The following RASAL2 variants were observed in gnomAD, a reference collection of about 807,000 sequenced individuals.
RASAL2 encodes ras GTPase-activating protein nGAP.
In RASAL2, 58 loss-of-function variants were observed where a neutral mutation model predicts 128.9. The observed-to-expected ratio is 0.45, with a 90% CI of 0.36 to 0.56. The LOEUF is 0.56. Among genes scored for constraint, RASAL2 ranks in the 20% least tolerant of loss-of-function variants. The pLI is 0.00. For missense variants in RASAL2, 1,360 were observed against 1,601.6 expected, an observed-to-expected ratio of 0.85 and a Z score of 2.57; for synonymous variants, 561 against 580.8, an observed-to-expected ratio of 0.97 and a Z score of 0.49.
chr1:178,319,979 A>G (rs1668675687), intron 3 of RASAL2, among the ~76,000 whole-genome samples: 1 of 151,886 alleles, frequency 6.6e-6, no homozygotes, highest in Non-Finnish European at 1.5e-5. Flanking sequence ...TTCGGTGTGG[A>G]TGTCCTTTCT....
At chr1:178,216,390 C>A (rs2101994474) in intron 1 of RASAL2, among the ~76,000 whole-genome samples, 1 of 152,242 alleles carries the variant, frequency 6.6e-6, no homozygotes, top group Middle Eastern at 3.4e-3. Context: ...TGTTTACTTT[C>A]TAAGCTTTAA....
At chr1:178,140,473 C>T (rs1361745660) in intron 1 of RASAL2, among the ~76,000 whole-genome samples, 1 of 152,198 alleles carries the variant, frequency 6.6e-6, no homozygotes, top group East Asian at 1.9e-4. Flanking sequence ...TGTTTCTCCT[C>T]TTCTTCCATT....
In RASAL2 at chr1:178,219,514, G is replaced by A. The variant is rs141980953; in HGVS notation, c.203-64050G>A. On this transcript the variant is annotated intron_variant, in intron 1 of 17. Transcript: ENST00000367649. ...AAATTAGCCAGGCTTGGTGGTGCACGCACATAGTCCCCTCTACTCAGGAGG... is the reference window on the plus strand; with the variant it reads ...AAATTAGCCAGGCTTGGTGGTGCACACACATAGTCCCCTCTACTCAGGAGG... 2.6e-3 allele frequency among the ~76,000 whole-genome samples: 398 copies of A among 151,740 alleles called. 2 individuals are homozygous for A. Among genetic ancestry groups the A allele is most frequent in the African/African-American group, 9.2e-3 (381 of 41,364 alleles).
intron 3 of RASAL2, among the ~76,000 whole-genome samples, chr1:178,337,081 G>GA (rs35794710): frequency 3.8e-4 from 57 of 148,330 alleles, no homozygotes; most frequent in African/African-American, 6.7e-4. Flanking sequence ...TGCCATTCCA[G>GA]AAAAAAAAAA....
At position 178,338,456 on chromosome 1, in the gene RASAL2, C is replaced by T. The variant is rs1669704166; in HGVS notation, c.457+38338C>T. Among the ~76,000 whole-genome samples, 6 of 152,204 alleles carry T rather than the reference C, an allele frequency of 3.9e-5. No homozygotes were observed. In the South Asian group the frequency reaches 1.2e-3, roughly 32 times the overall value. On this transcript the variant is annotated intron_variant, in intron 3 of 17. Transcript: ENST00000367649. ...GGTTTCAGAATTTCTTAATGGCTAGCATATTGAATTGTATACCTGAACCAA... is the reference window on the plus strand; with the variant it reads ...GGTTTCAGAATTTCTTAATGGCTAGTATATTGAATTGTATACCTGAACCAA...
chr1:178,341,662 A>T, intron 3 of RASAL2: 1 of 1,611,610 alleles, frequency 6.2e-7, no homozygotes, highest in Non-Finnish European at 8.5e-7. Context: ...TTTAAGGGGA[A>T]TGTGGCTTTT....
chr1:178,097,284 T>C (rs1396828165), intron 1 of RASAL2, among the ~76,000 whole-genome samples: 1 of 152,214 alleles, frequency 6.6e-6, no homozygotes, highest in Non-Finnish European at 1.5e-5. Context: ...TCTGGAGTAA[T>C]TGGTATCTGT....
intron 17 of RASAL2, 34 bp downstream of exon 17, chr1:178,467,455 G>A (rs781418229): frequency 6.4e-7 from 1 of 1,564,166 alleles, no homozygotes; most frequent in Non-Finnish European, 8.8e-7. Flanking sequence ...GAAGGCACTT[G>A]TTTATAGTAA....
At chr1:178,115,705 G>A (rs1659499860) in intron 1 of RASAL2, among the ~76,000 whole-genome samples, 2 of 152,216 alleles carry the variant, frequency 1.3e-5, no homozygotes, top group Non-Finnish European at 2.9e-5. Context: ...TTTTCAAAAA[G>A]ACCACTCTGG....
At chr1:178,454,404 C>G (rs1022946493) in intron 11 of RASAL2, 43 bp from the exon 12 acceptor site, 2 of 1,473,308 alleles carry the variant, frequency 1.4e-6, no homozygotes, top group South Asian at 2.3e-5. Flanking sequence ...GATCATATCT[C>G]TCTTGAATAT....
At chr1:178,309,695 C>A (rs1668146624) in intron 3 of RASAL2, among the ~76,000 whole-genome samples, 1 of 151,974 alleles carries the variant, frequency 6.6e-6, no homozygotes, top group African/African-American at 2.4e-5. Context: ...CAAGTGGAGA[C>A]AAAGTGGTTA....
chr1:178,358,547 A>G (rs947941429), intron 3 of RASAL2, among the ~76,000 whole-genome samples: 3 of 152,168 alleles, frequency 2.0e-5, no homozygotes, highest in African/African-American at 7.2e-5. Flanking sequence ...TAACATATAT[A>G]CCCATAGACT....
intron 3 of RASAL2, among the ~76,000 whole-genome samples, chr1:178,300,548 A>G (rs1667721045): frequency 6.6e-6 from 1 of 152,202 alleles, no homozygotes; most frequent in African/African-American, 2.4e-5. Context: ...ATATTAGATC[A>G]GGCTAATTTA....
chr1:178,112,926 GAAAA>G (rs1019877294), intron 1 of RASAL2, among the ~76,000 whole-genome samples: 12 of 151,260 alleles, frequency 7.9e-5, no homozygotes, highest in Admixed American at 3.3e-4. Context: ...AGAAAAAAAA[GAAAA>G]AAAAGAAATC....
chr1:178,287,195 C>G (rs1191003139), intron 2 of RASAL2, among the ~76,000 whole-genome samples: 1 of 151,364 alleles, frequency 6.6e-6, no homozygotes, highest in Non-Finnish European at 1.5e-5. Context: ...CTAGTCTGCC[C>G]AGTATCTATG....
In RASAL2 at chr1:178,476,441, A is replaced by T. The variant is rs1270489808; in HGVS notation, c.*3202A>T. 6.6e-6 allele frequency: 1 copy of T among 152,196 alleles called. No homozygotes were observed. Among genetic ancestry groups the T allele is most frequent in the South Asian group, 2.1e-4 (1 of 4,832 alleles). The allele number at this position is 152,196 out of a possible 1,614,324, so 9.4% of individuals were successfully genotyped here. ...TTATAACTAGGTAACTATAACAAGC[A>T]CTTGAGCACTTACCATGTTCCAAGC... On this transcript the variant is annotated 3_prime_UTR_variant, in exon 18 of 18. Coordinates refer to ENST00000367649, the MANE Select transcript of RASAL2 (RefSeq NM_170692.4).
In RASAL2 at chr1:178,411,593, G is replaced by A. The variant is rs560057680; in HGVS notation, c.565-8918G>A. ...TAAAAAAATGAGTGGATGGAGAGAC[G>A]ACATGCAGAAATGGCACACTTCAGG... On this transcript the variant is annotated intron_variant, in intron 4 of 17. Coordinates refer to ENST00000367649, the MANE Select transcript of RASAL2 (RefSeq NM_170692.4). The A allele has an allele frequency of 1.3e-4, 92 of 721,710 alleles. 2 individuals are homozygous for A. The highest frequency in any genetic ancestry group is 1.0e-3 in the Admixed American group (52 of 51,884). 44.7% of individuals were successfully genotyped at this position (721,710 alleles called of 1,614,324 possible). A position where few individuals can be genotyped will look rare whatever the true frequency, so the allele number is the denominator to read the frequency against.
chr1:178,279,540 G>C (rs979697492), intron 1 of RASAL2, among the ~76,000 whole-genome samples: 2 of 152,064 alleles, frequency 1.3e-5, no homozygotes, highest in African/African-American at 4.8e-5. Flanking sequence ...TTGACTTTCT[G>C]TTTTCTAAGC....
intron 4 of RASAL2, among the ~76,000 whole-genome samples, chr1:178,413,531 C>T (rs1013455327): frequency 3.9e-5 from 6 of 152,178 alleles, no homozygotes; most frequent in Admixed American, 3.3e-4. Flanking sequence ...CAGTTCCTCT[C>T]ACCTGGTACC....
Sources: allele counts gnomAD v4.1 joint callset (sites outside exome capture counted in the v4.1 genomes callset), GRCh38; gene constraint gnomAD v4.1.1; transcripts MANE v1.5; gene names NCBI Gene and HGNC (gene_info 2026-07-23, HGNC 2026-07-21).